RCAN2: variants seen among roughly 807,000 people sequenced by gnomAD.
The protein encoded by RCAN2 is calcipressin-2.
In RCAN2, 9 loss-of-function variants were observed where a neutral mutation model predicts 23.6. The ratio of observed to expected loss-of-function variants is 0.38; its 90% CI spans 0.23 to 0.67. The LOEUF is 0.67. Among genes scored for constraint, RCAN2 ranks in the 30% least tolerant of loss-of-function variants. RCAN2 has a pLI of 0.51. For missense variants in RCAN2, 273 were observed against 302.3 expected (o/e 0.90, Z 0.72); for synonymous variants, 109 against 115.7 (o/e 0.94, Z 0.37).
chr6:46,253,726 G>T (rs753807565), intron 2 of RCAN2, among the ~76,000 whole-genome samples: 7 of 152,052 alleles, frequency 4.6e-5, no homozygotes, highest in Non-Finnish European at 7.4e-5. Flanking sequence ...GTCATGCACT[G>T]CATAATGAAG....
intron 2 of RCAN2, among the ~76,000 whole-genome samples, chr6:46,335,865 C>A (rs1764124544): frequency 6.6e-6 from 1 of 152,170 alleles, no homozygotes; most frequent in Non-Finnish European, 1.5e-5. Flanking sequence ...ATCATACTAT[C>A]ATTTCCTTAG....
At chr6:46,225,634 G>C (rs1467028002) in intron 4 of RCAN2, among the ~76,000 whole-genome samples, 1 of 151,972 alleles carries the variant, frequency 6.6e-6, no homozygotes, top group Admixed American at 6.6e-5. Flanking sequence ...GGGGTTGTTT[G>C]ATTTTTTTTC....
intron 2 of RCAN2, among the ~76,000 whole-genome samples, chr6:46,341,041 G>A (rs9381440): frequency 0.42 from 64,163 of 152,056 alleles, 14,983 homozygotes; most frequent in East Asian, 0.6. Context: ...TAAAATGAAT[G>A]AGGTCAGAAA....
rs571232750 is a variant in RCAN2 at position 46,429,945 on chromosome 6, A to G, written c.225+26807T>C. ...CAGTTGTAAACTCAAAGAAGGAGAG[A>G]AAGTTAGCATGGCTGGAGACAGAAG... On this transcript the variant is annotated intron_variant, in intron 2 of 4. Transcript: ENST00000371374. Among the ~76,000 whole-genome samples the G allele has an allele frequency of 2.0e-5, 3 of 152,300 alleles. No homozygotes were observed. In the East Asian group the frequency reaches 5.8e-4, roughly 29 times the overall value.
chr6:46,490,505 C>G (rs761940805), intron 1 of RCAN2, among the ~76,000 whole-genome samples: 2 of 152,182 alleles, frequency 1.3e-5, no homozygotes, highest in Non-Finnish European at 2.9e-5. Context: ...TGGAGGCGGC[C>G]GAGGGATCAG....
chr6:46,443,530 C>T (rs564882073), intron 2 of RCAN2, among the ~76,000 whole-genome samples: 1 of 152,008 alleles, frequency 6.6e-6, no homozygotes, highest in African/African-American at 2.4e-5. Flanking sequence ...TCTCTTTTTA[C>T]CCATCTCCCT....
intron 2 of RCAN2, among the ~76,000 whole-genome samples, chr6:46,282,342 G>A (rs1029177796): frequency 2.0e-5 from 3 of 149,348 alleles, no homozygotes; most frequent in African/African-American, 5.1e-5. Context: ...TCGGGAGATC[G>A]AGACCATCCT....
At chr6:46,256,961 T>A (rs1240358271) in intron 2 of RCAN2, among the ~76,000 whole-genome samples, 1 of 152,066 alleles carries the variant, frequency 6.6e-6, no homozygotes, top group Non-Finnish European at 1.5e-5. Flanking sequence ...GTTCACAGGG[T>A]CTATGGAATA....
At chr6:46,483,678 C>T (rs1768923328) in intron 1 of RCAN2, among the ~76,000 whole-genome samples, 1 of 152,034 alleles carries the variant, frequency 6.6e-6, no homozygotes, top group Admixed American at 6.6e-5. Flanking sequence ...ACAGAAGTCA[C>T]CAAGAGACAG....
intron 2 of RCAN2, among the ~76,000 whole-genome samples, chr6:46,429,946 A>T (rs1292868960): frequency 6.6e-6 from 1 of 152,200 alleles, no homozygotes; most frequent in African/African-American, 2.4e-5. Flanking sequence ...GAAGGAGAGA[A>T]AGTTAGCATG....
intron 2 of RCAN2, among the ~76,000 whole-genome samples, chr6:46,293,596 G>T (rs1244124725): frequency 6.6e-6 from 1 of 152,182 alleles, no homozygotes; most frequent in Non-Finnish European, 1.5e-5. Flanking sequence ...ATTTTTAGCT[G>T]AAGAATGACA....
chr6:46,270,480 AGCTTCTC>A (rs768634071), intron 2 of RCAN2, among the ~76,000 whole-genome samples: 13 of 152,176 alleles, frequency 8.5e-5, no homozygotes, highest in Non-Finnish European at 1.5e-4. Context: ...AGTCAGACTG[AGCTTCTC>A]GTCAACCAGT....
At position 46,320,374 on chromosome 6, in the gene RCAN2, C is replaced by G. The variant is rs139156458; in HGVS notation, c.226-71478G>C. Among the ~76,000 whole-genome samples the G allele has an allele frequency of 1.2e-4, 18 of 152,266 alleles. No individual in the cohort carries two copies. In the East Asian group the frequency reaches 3.1e-3, roughly 26 times the overall value. ...GTGCATCATACCAACTCAGCCTCAT[C>G]CTTCTCCTCCTATCACTCTCACCAT... On this transcript the variant is annotated intron_variant, in intron 2 of 4. Coordinates refer to ENST00000371374, the MANE Select transcript of RCAN2 (RefSeq NM_001251974.2).
At position 46,491,238 on chromosome 6, in the gene RCAN2, G is replaced by C. The variant is rs1039924677; in HGVS notation, c.-68C>G. The C allele has an allele frequency of 6.6e-6, 1 of 151,706 alleles. No homozygotes were observed. The highest frequency in any genetic ancestry group is 1.5e-5 in the Non-Finnish European group (1 of 67,990). 9.4% of individuals were successfully genotyped at this position (151,706 alleles called of 1,614,324 possible). ...AGGCGGCGGCTGGGGCGTCTACGGG[G>C]GCCAGCTGCTAGCGCGCGGCGCTGC... is the stretch of plus-strand genomic sequence containing the variant. On this transcript the variant is annotated 5_prime_UTR_variant, in exon 1 of 5. Coordinates refer to ENST00000371374, the MANE Select transcript of RCAN2 (RefSeq NM_001251974.2).
intron 2 of RCAN2, among the ~76,000 whole-genome samples, chr6:46,450,535 A>G (rs1276838439): frequency 6.6e-6 from 1 of 152,100 alleles, no homozygotes; most frequent in African/African-American, 2.4e-5. Flanking sequence ...CAAGATATGG[A>G]CTTAACCTAA....
intron 2 of RCAN2, among the ~76,000 whole-genome samples, chr6:46,373,219 A>T (rs1373188755): frequency 6.6e-6 from 1 of 152,318 alleles, no homozygotes; most frequent in South Asian, 2.1e-4. Context: ...GTCAAGAAAC[A>T]TAAATGTGAG....
At position 46,398,383 on chromosome 6, in the gene RCAN2, G is replaced by C. The variant is rs1766151931; in HGVS notation, c.225+58369C>G. Among the ~76,000 whole-genome samples, 3 of 152,140 alleles carry C rather than the reference G, an allele frequency of 2.0e-5. No individual in the cohort carries two copies. The South Asian group carries it at 6.2e-4, about 32-fold the overall frequency. On this transcript the variant is annotated intron_variant, in intron 2 of 4. Coordinates refer to ENST00000371374, the MANE Select transcript of RCAN2 (RefSeq NM_001251974.2). ...TAGTGTTTCTTCCAAACTCTGGTGA[G>C]TGAGCCCGTGGAGGTCCAAAGATAA...
chr6:46,246,069 G>A (rs1206945847), intron 4 of RCAN2, among the ~76,000 whole-genome samples: 1 of 152,158 alleles, frequency 6.6e-6, no homozygotes, highest in Non-Finnish European at 1.5e-5. Flanking sequence ...GTACAAGAAT[G>A]TTAACTGTTA....
At chr6:46,481,830 G>A (rs553990681) in intron 1 of RCAN2, among the ~76,000 whole-genome samples, 54 of 152,160 alleles carry the variant, frequency 3.5e-4, no homozygotes, top group African/African-American at 1.2e-3. Context: ...CAATAGATAC[G>A]AATGACAGAA....
Sources: allele counts gnomAD v4.1 joint callset (sites outside exome capture counted in the v4.1 genomes callset), GRCh38; gene constraint gnomAD v4.1.1; transcripts MANE v1.5; gene names NCBI Gene and HGNC (gene_info 2026-07-23, HGNC 2026-07-21).